CARD9: variants seen among roughly 807,000 people sequenced by gnomAD.
CARD9 encodes caspase recruitment domain family member 9.
A neutral mutation model predicts 66.0 loss-of-function variants in CARD9; 53 were observed. The ratio of observed to expected loss-of-function variants is 0.80; its 90% CI spans 0.64 to 1.01. CARD9 has a LOEUF of 1.01. CARD9 is among the 50% of genes least tolerant of loss of function. The pLI, the probability that CARD9 is intolerant of heterozygous loss-of-function variation, is 0.00. For missense variants in CARD9, 769 were observed against 743.2 expected (o/e 1.03, Z -0.40); for synonymous variants, 387 against 313.8 (o/e 1.23, Z -2.47).
chr9:136,372,190 G>A (rs1034315020), intron 1 of CARD9, 96 bp from the exon 2 acceptor site: 60 of 1,516,522 alleles, frequency 4.0e-5, no homozygotes, highest in Admixed American at 5.7e-5. Flanking sequence ...CAGGGCTCTC[G>A]TCAGGGCATC....
At position 136,370,960 on chromosome 9, in the gene CARD9, C is replaced by T. The variant is rs112244317; in HGVS notation, c.508G>A (p.Ala170Thr). 671 of 1,610,736 alleles carry T rather than the reference C, an allele frequency of 4.2e-4. 3 individuals are homozygous for T. The African/African-American group carries it at 5.7e-3, about 14-fold the overall frequency. ...RVQRLKEECE[A>T]GSRELKRCKE... ...CAGCGCTTGAGCTCGCGGCTGCCGG[C>T]CTCGCACTCCTCCTTGAGCCTCTGC... The change falls in exon 4 of 13, where the codon GCC (alanine) becomes ACC (threonine). Residue 170 changes from alanine to threonine, a missense_variant. Coordinates refer to ENST00000371732, the MANE Select transcript of CARD9 (RefSeq NM_052813.5).
rs199631159 is a variant in CARD9 at position 136,370,816 on chromosome 9, G to C, written c.627+25C>G. ...CCGCCAGGCCAGGCGAGGGTGGCCTGGTTTCCCGGGGGCAGCGGGCGCACC... is the reference window on the plus strand; with the variant it reads ...CCGCCAGGCCAGGCGAGGGTGGCCTCGTTTCCCGGGGGCAGCGGGCGCACC... On this transcript the variant is annotated intron_variant, in intron 4 of 12. Transcript: ENST00000371732. 89 of 1,594,516 alleles carry C rather than the reference G, an allele frequency of 5.6e-5. No homozygotes were observed. The East Asian group carries it at 1.9e-3, about 35-fold the overall frequency.
Position 136,364,056 on chromosome 9 carries a change from G to T in CARD9, c.*246C>A. 2 of 1,533,484 alleles carry T rather than the reference G, an allele frequency of 1.3e-6. No homozygotes were observed. The highest frequency in any genetic ancestry group is 1.8e-6 in the Non-Finnish European group (2 of 1,131,382). The allele number at this position is 1,533,484 out of a possible 1,614,324, so 95.0% of individuals were successfully genotyped here. A position where few individuals can be genotyped will look rare whatever the true frequency, so the allele number is the denominator to read the frequency against. Reference sequence around the variant, plus strand: ...TACATGGTGAAACAGAACAGATCCTGAAGTTACACAGATGGCGTGTGCATG... The same window carrying T: ...TACATGGTGAAACAGAACAGATCCTTAAGTTACACAGATGGCGTGTGCATG... On this transcript the variant is annotated 3_prime_UTR_variant, in exon 13 of 13. Transcript: ENST00000371732.
At chr9:136,371,515 G>A in intron 2 of CARD9, 54 bp from the exon 3 acceptor site, 2 of 1,497,296 alleles carry the variant, frequency 1.3e-6, no homozygotes, top group Non-Finnish European at 1.8e-6. Flanking sequence ...GCAGAGGGCT[G>A]GGGTGGGTGG....
intron 7 of CARD9, among the ~76,000 whole-genome samples, chr9:136,368,798 A>G (rs545937586): frequency 6.6e-6 from 1 of 151,420 alleles, no homozygotes; most frequent in Admixed American, 6.6e-5. Context: ...CTGGGACCAC[A>G]GGCATGCGCC....
rs2131432720 is a variant in CARD9, at chr9:136,365,143, G to C, written c.1432C>G (p.His478Asp). ...LHQEQVLRNP[H>D]DAGLSSGEPP... The stretch of plus-strand genomic sequence containing the variant: ...ACCCCACCCCGGGGAAGCCTTACAT[G>C]GGGGTTCCGCAAAACCTGCTCCTGG... Residue 478 changes from histidine to aspartate, a missense_variant and splice_region_variant, in exon 11 of 13, where the codon CAT becomes GAT. His to Asp is a moderately conservative substitution (Grantham distance 81). Coordinates refer to ENST00000371732, the MANE Select transcript of CARD9 (RefSeq NM_052813.5). The C allele has an allele frequency of 6.2e-7, 1 of 1,612,082 alleles. No homozygotes were observed.
In CARD9 at chr9:136,372,061, G is replaced by C; in HGVS notation, c.18C>G (p.Asn6Lys). ...CCAGGACGCTCCAGCACTCGTCATCGTTCTCGTAGTCCGACATGGCCTCAG... is the reference window on the plus strand; with the variant it reads ...CCAGGACGCTCCAGCACTCGTCATCCTTCTCGTAGTCCGACATGGCCTCAG... MSDYENDDECWSVLEG... is the reference protein window; with the variant it reads MSDYEKDDECWSVLEG... The change falls in exon 2 of 13, where the codon AAC becomes AAG. Residue 6 changes from asparagine (N) to lysine (K), a missense_variant. By Grantham distance (94) the Asn-to-Lys change is moderately conservative. Coordinates refer to ENST00000371732, the MANE Select transcript of CARD9 (RefSeq NM_052813.5). 1.2e-6 allele frequency: 2 copies of C among 1,612,694 alleles called. No individual in the cohort carries two copies. The highest frequency in any genetic ancestry group is 1.7e-6 in the Non-Finnish European group (2 of 1,179,964).
Position 136,371,065 on chromosome 9 carries a change from C to T in CARD9, c.403G>A (p.Ala135Thr), listed in dbSNP as rs778718632. ...AAGTCATCTTTGGAGCTCAGCAGCG[C>T]GGTCAGGTCCTGCACCTTCTTCTGC... is the stretch of plus-strand genomic sequence containing the variant. The part of the protein sequence containing the change: ...KLQKKVQDLT[A>T]LLSSKDDFIK... Residue 135 changes from alanine to threonine, a missense_variant, in exon 4 of 13, where the codon GCG (alanine) becomes ACG (threonine). By Grantham distance (58) the Ala-to-Thr change is moderately conservative. Transcript: ENST00000371732. 11 of 1,612,662 alleles carry T rather than the reference C, an allele frequency of 6.8e-6. No individual in the cohort carries two copies. Among genetic ancestry groups the T allele is most frequent in the South Asian group, 4.4e-5 (4 of 90,980 alleles).
Position 136,369,746 on chromosome 9 carries a change from C to T in CARD9, c.1077+4G>A. On this transcript the variant is annotated splice_donor_region_variant and intron_variant, in intron 7 of 12. Coordinates refer to ENST00000371732, the MANE Select transcript of CARD9 (RefSeq NM_052813.5). ...TGCTTTGTCCTGCCCCTGCGAGTGC[C>T]CACCTGGTCCCGCTCAATGGCGACC... 1 of 1,594,436 alleles carries T rather than the reference C, an allele frequency of 6.3e-7. No individual in the cohort carries two copies.
chr9:136,367,144 T>A (rs1453867333), intron 9 of CARD9, 72 bp downstream of exon 9: 3 of 1,515,334 alleles, frequency 2.0e-6, no homozygotes, highest in Non-Finnish European at 2.7e-6. Context: ...TGTGGGGCTA[T>A]GCCTGGTGGC....
chr9:136,371,478 C>G lies in CARD9; in HGVS notation c.185-17G>C, dbSNP rs1306978400. On this transcript the variant is annotated splice_polypyrimidine_tract_variant and intron_variant, in intron 2 of 12. Transcript: ENST00000371732. ...GGAGCACACCTGCGGGCCAGAGAGG[C>G]CTAACTGGGGGCGGGGCACAGGCGA... 5.7e-6 allele frequency: 9 copies of G among 1,566,186 alleles called. No individual in the cohort carries two copies. Among genetic ancestry groups the G allele is most frequent in the Non-Finnish European group, 6.9e-6 (8 of 1,154,074 alleles).
intron 10 of CARD9, 146 bp downstream of exon 10, chr9:136,366,654 C>T (rs1833131113): frequency 1.2e-5 from 11 of 880,294 alleles, no homozygotes; most frequent in Non-Finnish European, 2.1e-5. Flanking sequence ...GACCATTTTA[C>T]TTATCCCCAG....
chr9:136,370,723 T>C (rs2131443572), intron 4 of CARD9, 22 bp from the exon 5 acceptor site: 2 of 1,612,630 alleles, frequency 1.2e-6, no homozygotes, highest in Non-Finnish European at 1.7e-6. Context: ...CCAGTGAGCC[T>C]GGCTGTCCCC....
chr9:136,371,044 C>A lies in CARD9; in HGVS notation c.424G>T (p.Asp142Tyr). 1 of 1,612,504 alleles carries A rather than the reference C, an allele frequency of 6.2e-7. No individual in the cohort carries two copies. The highest frequency in any genetic ancestry group is 8.5e-7 in the Non-Finnish European group (1 of 1,179,858). Residue 142 changes from aspartate (D) to tyrosine (Y), a missense_variant, in exon 4 of 13, where the codon GAC becomes TAC. Physicochemically the swap from Asp to Tyr is radical, Grantham distance 160. Coordinates refer to ENST00000371732, the MANE Select transcript of CARD9 (RefSeq NM_052813.5). ...TTCACCCGCAGCTCCTTGATGAAGT[C>A]ATCTTTGGAGCTCAGCAGCGCGGTC... is the stretch of plus-strand genomic sequence containing the variant. ...DLTALLSSKD[D>Y]FIKELRVKDS... is the part of the protein sequence containing the mutation.
intron 1 of CARD9, among the ~76,000 whole-genome samples, 187 bp from the exon 2 acceptor site, chr9:136,372,281 G>T (rs1337251345): frequency 6.6e-6 from 1 of 152,202 alleles, no homozygotes; most frequent in African/African-American, 2.4e-5. Flanking sequence ...CAGGGAGGCA[G>T]CAGAGACACA....
In CARD9 at chr9:136,363,987, C is replaced by T. The variant is rs548414824; in HGVS notation, c.*315G>A. 5.0e-6 allele frequency: 6 copies of T among 1,200,764 alleles called. No homozygotes were observed. Among genetic ancestry groups the T allele is most frequent in the African/African-American group, 3.0e-5 (2 of 66,388 alleles). The allele number at this position is 1,200,764 out of a possible 1,614,324, so 74.4% of individuals were successfully genotyped here. On this transcript the variant is annotated 3_prime_UTR_variant, in exon 13 of 13. Transcript: ENST00000371732. Reference sequence around the variant, plus strand: ...TCACCCGTGCTGTTTATTTACGCAGCTGTGTTTTCTAACACTAATACAATG... The same window carrying T: ...TCACCCGTGCTGTTTATTTACGCAGTTGTGTTTTCTAACACTAATACAATG...
At chr9:136,369,627 A>C in intron 7 of CARD9, 123 bp downstream of exon 7, 1 of 1,512,902 alleles carries the variant, frequency 6.6e-7, no homozygotes, top group East Asian at 2.5e-5. Context: ...TGACATAGCA[A>C]GACCCCATCT....
At position 136,373,567 on chromosome 9, in the gene CARD9, A is replaced by C; in HGVS notation, c.-52T>G. 1.0e-6 allele frequency: 1 copy of C among 985,662 alleles called. No homozygotes were observed. Among genetic ancestry groups the C allele is most frequent in the East Asian group, 1.1e-4 (1 of 8,934 alleles). The allele number at this position is 985,662 out of a possible 1,614,324, so 61.1% of individuals were successfully genotyped here. On this transcript the variant is annotated 5_prime_UTR_variant, in exon 1 of 13. Coordinates refer to ENST00000371732, the MANE Select transcript of CARD9 (RefSeq NM_052813.5). ...TCCAGGAGCCACCTGCACTGCAGAC[A>C]CACCAGGAGCCTGGGCCGCGGAGCC... is the stretch of plus-strand genomic sequence containing the variant.
chr9:136,366,472 C>T (rs959251667), intron 10 of CARD9: 12 of 446,636 alleles, frequency 2.7e-5, no homozygotes, highest in Non-Finnish European at 4.1e-5. Context: ...CTCTGCACCC[C>T]GTGGGGGCTG....
Sources: allele counts gnomAD v4.1 joint callset (sites outside exome capture counted in the v4.1 genomes callset), GRCh38; gene constraint gnomAD v4.1.1; transcripts MANE v1.5; gene names NCBI Gene and HGNC (gene_info 2026-07-23, HGNC 2026-07-21).